Variants in SH3GLB2 observed in about 807,000 individuals in gnomAD.
The protein encoded by SH3GLB2 is SH3 domain containing GRB2 like, endophilin B2, also known as endophilin-B2.
SH3GLB2 carries 24 observed loss-of-function variants against 48.0 expected under a neutral mutation model. That is an observed-to-expected ratio of 0.50 (90% CI 0.36 to 0.70). The LOEUF is 0.70. Among genes scored for constraint, SH3GLB2 ranks in the 30% least tolerant of loss-of-function variants. The pLI, the probability that SH3GLB2 is intolerant of heterozygous loss-of-function variation, is 0.00. For synonymous variants in SH3GLB2, 227 were observed against 207.6 expected (o/e 1.09, Z -0.80); for missense variants, 425 against 516.0 (o/e 0.82, Z 1.71).
At position 129,007,145 on chromosome 9, in the gene SH3GLB2, A is replaced by C. The variant is rs2131208772; in HGVS notation, c.*1539T>G. On this transcript the variant is annotated 3_prime_UTR_variant, in exon 11 of 11. Coordinates refer to ENST00000372564, the MANE Select transcript of SH3GLB2 (RefSeq NM_020145.4). ...GCCCAGGGATGACAACGTGGCTCTC[A>C]GAACCTAGAAAACTCCCCTGGCCAG... 1 of 152,712 alleles carries C rather than the reference A, an allele frequency of 6.5e-6. No homozygotes were observed. Among genetic ancestry groups the C allele is most frequent in the East Asian group, 1.9e-4 (1 of 5,184 alleles). 9.5% of individuals were successfully genotyped at this position (152,712 alleles called of 1,614,324 possible).
chr9:129,015,933 A>G, intron 3 of SH3GLB2: 1 of 219,282 alleles, frequency 4.6e-6, no homozygotes, highest in South Asian at 4.8e-5. Context: ...CTAAAATAAG[A>G]TGAATTGTCT....
At chr9:129,023,116 C>A (rs1843917740) in intron 1 of SH3GLB2, among the ~76,000 whole-genome samples, 1 of 152,152 alleles carries the variant, frequency 6.6e-6, no homozygotes, top group Non-Finnish European at 1.5e-5. Context: ...TGCTGCTGCC[C>A]CACGTAAGGC....
At position 129,007,804 on chromosome 9, in the gene SH3GLB2, T is replaced by A. The variant is rs988323452; in HGVS notation, c.*880A>T. ...TCCACAATCCAAATTTAGGAAACTTTTTCTTAGGAATAAAACGTTCCTTGT... is the reference window on the plus strand; with the variant it reads ...TCCACAATCCAAATTTAGGAAACTTATTCTTAGGAATAAAACGTTCCTTGT... On this transcript the variant is annotated 3_prime_UTR_variant, in exon 11 of 11. Coordinates refer to ENST00000372564, the MANE Select transcript of SH3GLB2 (RefSeq NM_020145.4). 1 of 152,188 alleles carries A rather than the reference T, an allele frequency of 6.6e-6. No homozygotes were observed. The highest frequency in any genetic ancestry group is 2.4e-5 in the African/African-American group (1 of 41,422). 9.4% of individuals were successfully genotyped at this position (152,188 alleles called of 1,614,324 possible). A position where few individuals can be genotyped will look rare whatever the true frequency, so the allele number is the denominator to read the frequency against.
chr9:129,009,866 G>C lies in SH3GLB2; in HGVS notation c.744C>G (p.Asn248Lys), dbSNP rs748403878. Reference protein sequence around the residue: ...LLEGISSTHVNHLRCLHEFVK... With the variant: ...LLEGISSTHVKHLRCLHEFVK... ...CGAACTCGTGGAGGCAGCGCAGGTG[G>C]TTCACCTGCGGGGAAGAGGCCAGAG... Residue 248 changes from asparagine (N) to lysine (K), a missense_variant, in exon 9 of 11, where the codon AAC (asparagine) becomes AAG (lysine). Transcript: ENST00000372564. The C allele has an allele frequency of 1.9e-6, 3 of 1,613,068 alleles. No homozygotes were observed. The highest frequency in any genetic ancestry group is 1.1e-5 in the South Asian group (1 of 90,974).
At chr9:129,009,379 A>G (rs1209341990) in intron 9 of SH3GLB2, 33 bp from the exon 10 acceptor site, 22 of 1,550,696 alleles carry the variant, frequency 1.4e-5, no homozygotes, top group Non-Finnish European at 1.7e-5. Context: ...AGCAGGTGGG[A>G]GTCCCAGAAG....
chr9:129,012,160 G>A (rs1843161034), intron 6 of SH3GLB2, 76 bp downstream of exon 6: 3 of 988,920 alleles, frequency 3.0e-6, no homozygotes, highest in African/African-American at 1.7e-5. Context: ...TCTAGCTCCT[G>A]TGCAGTCAGA....
At chr9:129,026,557 C>T (rs551135119) in intron 1 of SH3GLB2, among the ~76,000 whole-genome samples, 14 of 152,288 alleles carry the variant, frequency 9.2e-5, no homozygotes, top group African/African-American at 2.4e-4. Context: ...CCTCCCACCC[C>T]GAGGCTGGGG....
chr9:129,014,228 G>T lies in SH3GLB2; in HGVS notation c.561+183C>A, dbSNP rs1843292701. On this transcript the variant is annotated intron_variant, in intron 5 of 10. Coordinates refer to ENST00000372564, the MANE Select transcript of SH3GLB2 (RefSeq NM_020145.4). The surrounding 1 kb of genome is among the most constrained non-coding windows in gnomAD (Gnocchi z 4.1). ...TATCTCCCTGGGAACCAGAGCTCGG[G>T]GGCCACCAAGGCTCCCTTGAGGGCA... Among the ~76,000 whole-genome samples, 1 of 152,090 alleles carries T rather than the reference G, an allele frequency of 6.6e-6. No homozygotes were observed. Among genetic ancestry groups the T allele is most frequent in the African/African-American group, 2.4e-5 (1 of 41,422 alleles).
rs1843208625 is a variant in SH3GLB2 at position 129,012,934 on chromosome 9, G to C, written c.562-636C>G. ...CAAAATGCCCCAAGGACGTGGGCTG[G>C]CCATGGCACCGTGGGTCCACGGGCA... On this transcript the variant is annotated intron_variant, in intron 5 of 10. Coordinates refer to ENST00000372564, the MANE Select transcript of SH3GLB2 (RefSeq NM_020145.4). The C allele has an allele frequency of 4.5e-6, 7 of 1,540,880 alleles. No individual in the cohort carries two copies. In the Middle Eastern group the frequency reaches 5.0e-4, roughly 110 times the overall value.
At position 129,010,690 on chromosome 9, in the gene SH3GLB2, A is replaced by G. The variant is rs1162313196; in HGVS notation, c.628T>C (p.Trp210Arg). ...YILSASASAL[W>R]NDEVDKAEQE... ...CTTACCTTGTCCACTTCATCATTCC[A>G]GAGCTGTGGAGACGGCAGCAGGAGT... Residue 210 changes from tryptophan (W) to arginine (R), a missense_variant, in exon 7 of 11, where the codon TGG (tryptophan) becomes CGG (arginine). Transcript: ENST00000372564. 6.2e-7 allele frequency: 1 copy of G among 1,613,472 alleles called. No individual in the cohort carries two copies. Among genetic ancestry groups the G allele is most frequent in the Non-Finnish European group, 8.5e-7 (1 of 1,179,850 alleles).
chr9:129,020,437 C>T (rs1389111627), intron 3 of SH3GLB2, among the ~76,000 whole-genome samples: 2 of 149,126 alleles, frequency 1.3e-5, no homozygotes, highest in African/African-American at 2.5e-5. Context: ...GGTGTGGTGG[C>T]GGGCTCCTGT....
intron 1 of SH3GLB2, among the ~76,000 whole-genome samples, chr9:129,025,016 C>T (rs1844061281): frequency 6.6e-6 from 1 of 151,574 alleles, no homozygotes; most frequent in Non-Finnish European, 1.5e-5. Flanking sequence ...TGGCTCACGC[C>T]TGTAATCCCA....
At position 129,012,957 on chromosome 9, in the gene SH3GLB2, G is replaced by T. The variant is rs564423919; in HGVS notation, c.562-659C>A. On this transcript the variant is annotated intron_variant, in intron 5 of 10. Coordinates refer to ENST00000372564, the MANE Select transcript of SH3GLB2 (RefSeq NM_020145.4). ...TGGCCATGGCACCGTGGGTCCACGG[G>T]CAAGATGGGCAGACCGGAAGCAGCA... is the stretch of plus-strand genomic sequence containing the variant. 4 of 1,550,554 alleles carry T rather than the reference G, an allele frequency of 2.6e-6. No homozygotes were observed. The South Asian group carries it at 4.8e-5, about 18-fold the overall frequency.
Position 129,012,126 on chromosome 9 carries a change from G to C in SH3GLB2, c.624+110C>G, listed in dbSNP as rs2131241393. ...AGGACTGACCTGATCACATGGCAGTGCCCCCGCCTTACCCAAGCTGGCTTC... is the reference window on the plus strand; with the variant it reads ...AGGACTGACCTGATCACATGGCAGTCCCCCCGCCTTACCCAAGCTGGCTTC... On this transcript the variant is annotated intron_variant, in intron 6 of 10. Coordinates refer to ENST00000372564, the MANE Select transcript of SH3GLB2 (RefSeq NM_020145.4). 5.0e-6 allele frequency: 3 copies of C among 604,146 alleles called. No individual in the cohort carries two copies. In the Admixed American group the frequency reaches 1.4e-4, roughly 28 times the overall value. 37.4% of individuals were successfully genotyped at this position (604,146 alleles called of 1,614,324 possible).
chr9:129,024,658 G>A (rs1045429435), intron 1 of SH3GLB2, among the ~76,000 whole-genome samples: 1 of 151,744 alleles, frequency 6.6e-6, no homozygotes, highest in Non-Finnish European at 1.5e-5. Flanking sequence ...GTTGCAATGA[G>A]CCAATATCAT....
chr9:129,025,311 T>G (rs926784240), intron 1 of SH3GLB2, among the ~76,000 whole-genome samples: 5 of 133,148 alleles, frequency 3.8e-5, no homozygotes, highest in African/African-American at 1.4e-4. Flanking sequence ...ACCTGTAATA[T>G]CAGCACTTTG....
intron 3 of SH3GLB2, among the ~76,000 whole-genome samples, chr9:129,017,211 A>G (rs1407704263): frequency 2.0e-5 from 3 of 151,962 alleles, no homozygotes. Context: ...TGACCTCCCA[A>G]AGTGGCGGGA....
chr9:129,015,059 C>CA (rs1746563775), intron 3 of SH3GLB2, among the ~76,000 whole-genome samples, 155 bp from the exon 4 acceptor site: 1 of 152,202 alleles, frequency 6.6e-6, no homozygotes, highest in South Asian at 2.1e-4. Flanking sequence ...ACCTACACTA[C>CA]ACCATCAACT....
chr9:129,016,880 T>G (rs1843459208), intron 3 of SH3GLB2, among the ~76,000 whole-genome samples: 1 of 147,994 alleles, frequency 6.8e-6, no homozygotes. Context: ...CCAAAATACA[T>G]AAGGCAAACA....
Sources: gnomAD v4.1 joint callset for allele counts (sites outside exome capture counted in the v4.1 genomes callset) on GRCh38, gnomAD v4.1.1 for gene constraint, Gnocchi (gnomAD v3.1) non-coding constraint, MANE v1.5 for transcripts, NCBI Gene and HGNC (gene_info 2026-07-23, HGNC 2026-07-21) for gene names.